The following SPINT4 variants were observed in gnomAD, a reference collection of about 807,000 sequenced individuals.
SPINT4 encodes serine peptidase inhibitor, Kunitz type 4.
In SPINT4, 7 loss-of-function variants were observed where a neutral mutation model predicts 9.4. That is an observed-to-expected ratio of 0.74 (90% CI 0.42 to 1.40). The LOEUF is 1.40. SPINT4 is among the 40% of genes most tolerant of loss of function. SPINT4 has a pLI of 0.01. For missense variants in SPINT4, 105 were observed against 114.4 expected (o/e 0.92, Z 0.37); for synonymous variants, 36 against 39.9 (o/e 0.90, Z 0.37).
chr20:45,725,017 T>TACAC (rs1984912095), intron 2 of SPINT4, among the ~76,000 whole-genome samples: 2 of 123,210 alleles, frequency 1.6e-5, no homozygotes, highest in Non-Finnish European at 3.2e-5. Context: ...TATATATATA[T>TACAC]ATATATATAT....
At chr20:45,724,979 C>CAAAAAAAAAAA (rs1168670011) in intron 2 of SPINT4, among the ~76,000 whole-genome samples, 2 of 27,184 alleles carry the variant, frequency 7.4e-5, no homozygotes, top group African/African-American at 2.9e-4. Flanking sequence ...GACTCCATCT[C>CAAAAAAAAAAA]AAAAAAAAAA....
rs765828588 is a variant in SPINT4, at chr20:45,724,065, A to G, written c.293+8A>G. On this transcript the variant is annotated splice_region_variant and intron_variant, in intron 2 of 2. Coordinates refer to ENST00000279058, the MANE Select transcript of SPINT4 (RefSeq NM_178455.3). ...TGCAAAATACAAACCACCGTAAGGA[A>G]TCTAATCCTGTCCTTGGTCCTTGGG... is the stretch of plus-strand genomic sequence containing the variant. 1.1e-5 allele frequency: 18 copies of G among 1,599,372 alleles called. No individual in the cohort carries two copies. The highest frequency in any genetic ancestry group is 8.9e-5 in the Admixed American group (5 of 56,416).
chr20:45,723,869 C>A lies in SPINT4; in HGVS notation c.116-11C>A, dbSNP rs758416844. On this transcript the variant is annotated splice_polypyrimidine_tract_variant and intron_variant, in intron 1 of 2. Coordinates refer to ENST00000279058, the MANE Select transcript of SPINT4 (RefSeq NM_178455.3). ...CAATTCCCACTAACTCAATGGGAAC[C>A]TCTCATGCAGATCCCTGCAAATTGG... 1 of 1,565,150 alleles carries A rather than the reference C, an allele frequency of 6.4e-7. No homozygotes were observed. Among genetic ancestry groups the A allele is most frequent in the Non-Finnish European group, 8.6e-7 (1 of 1,162,984 alleles).
chr20:45,724,995 A>AAAAAAAAAAAAAAAAAT (rs1387842262), intron 2 of SPINT4, among the ~76,000 whole-genome samples: 1 of 36,424 alleles, frequency 2.7e-5, no homozygotes, highest in African/African-American at 1.9e-4. Context: ...AAAAAAAAAA[A>AAAAAAAAAAAAAAAAAT]ATATATATAT....
At chr20:45,724,334 C>A (rs549265984) in intron 2 of SPINT4, among the ~76,000 whole-genome samples, 3 of 151,610 alleles carry the variant, frequency 2.0e-5, no homozygotes, top group Admixed American at 2.0e-4. Context: ...ACTAAAAATA[C>A]AAAATTAGCC....
Position 45,724,024 on chromosome 20 carries a change from G to T in SPINT4, c.260G>T (p.Arg87Leu), listed in dbSNP as rs927990390. Residue 87 changes from arginine to leucine, a missense_variant, in exon 2 of 3, where the codon CGT becomes CTT. Transcript: ENST00000279058. ...NLNNFKLKIE[R>L]EVACVAKYKP... is the part of the protein sequence containing the mutation. ...AACAACTTCAAGCTTAAAATAGAAC[G>T]TGAAGTAGCCTGTGTTGCAAAATAC... The T allele has an allele frequency of 4.3e-6, 7 of 1,610,322 alleles. No homozygotes were observed. Among genetic ancestry groups the T allele is most frequent in the Non-Finnish European group, 5.9e-6 (7 of 1,178,986 alleles).
intron 2 of SPINT4, among the ~76,000 whole-genome samples, chr20:45,724,877 G>A (rs1418108029): frequency 1.4e-5 from 2 of 146,652 alleles, no homozygotes; most frequent in Non-Finnish European, 3.0e-5. Context: ...CTACTCGGGA[G>A]GCTGAGGCAG....
intron 2 of SPINT4, among the ~76,000 whole-genome samples, chr20:45,724,979 C>CAAAAAAAAAAAAAAAAAA (rs1168670011): frequency 3.7e-4 from 10 of 27,182 alleles, no homozygotes; most frequent in African/African-American, 1.2e-3. Context: ...GACTCCATCT[C>CAAAAAAAAAAAAAAAAAA]AAAAAAAAAA....
chr20:45,724,575 A>T (rs1233369094), intron 2 of SPINT4, among the ~76,000 whole-genome samples: 1 of 151,132 alleles, frequency 6.6e-6, no homozygotes, highest in Non-Finnish European at 1.5e-5. Flanking sequence ...CTCATTTTGC[A>T]GTTAGGAAAT....
Position 45,724,074 on chromosome 20 carries a change from TGTCCTTG to T in SPINT4, c.293+26_293+32del. 1 of 1,593,002 alleles carries T rather than the reference TGTCCTTG, an allele frequency of 6.3e-7. No homozygotes were observed. Among genetic ancestry groups the T allele is most frequent in the South Asian group, 1.2e-5 (1 of 86,566 alleles). On this transcript the variant is annotated intron_variant, in intron 2 of 2. Coordinates refer to ENST00000279058, the MANE Select transcript of SPINT4 (RefSeq NM_178455.3). Reference sequence around the variant, plus strand: ...CAAACCACCGTAAGGAATCTAATCCTGTCCTTGGTCCTTGGGGGTAGTAAAAGAAGAG... The same window carrying T: ...CAAACCACCGTAAGGAATCTAATCCTGTCCTTGGGGGTAGTAAAAGAAGAG...
At position 45,724,512 on chromosome 20, in the gene SPINT4, TAAAAAAA is replaced by T. The variant is rs58689567; in HGVS notation, c.293+470_293+476del. ...TGGGCAATAAGAGCAAAACTCCATC[TAAAAAAA>T]AAAAAAAAAAAAAACCACATTTGGG... is the stretch of plus-strand genomic sequence containing the variant. On this transcript the variant is annotated intron_variant, in intron 2 of 2. Coordinates refer to ENST00000279058, the MANE Select transcript of SPINT4 (RefSeq NM_178455.3). 9.1e-4 allele frequency among the ~76,000 whole-genome samples: 104 copies of T among 114,510 alleles called. 1 individual carries two copies. Among genetic ancestry groups the T allele is most frequent in the African/African-American group, 1.3e-3 (45 of 34,390 alleles). The allele number at this position is 114,510 out of a possible 152,430, so 75.1% of individuals were successfully genotyped here.
chr20:45,725,819 G>T lies in SPINT4; in HGVS notation c.*184G>T. 1 of 719,864 alleles carries T rather than the reference G, an allele frequency of 1.4e-6. No individual in the cohort carries two copies. 44.6% of individuals were successfully genotyped at this position (719,864 alleles called of 1,614,324 possible). On this transcript the variant is annotated 3_prime_UTR_variant, in exon 3 of 3. Coordinates refer to ENST00000279058, the MANE Select transcript of SPINT4 (RefSeq NM_178455.3). ...ACTGTATGATCATTAGAATGAAAGAGTCTTTCTGTCAGCCCTGGCTCTCTT... is the reference window on the plus strand; with the variant it reads ...ACTGTATGATCATTAGAATGAAAGATTCTTTCTGTCAGCCCTGGCTCTCTT...
chr20:45,725,013 T>TATACACATATATATATACAC (rs1555809001), intron 2 of SPINT4, among the ~76,000 whole-genome samples: 3 of 49,524 alleles, frequency 6.1e-5, no homozygotes, highest in African/African-American at 4.6e-4. Flanking sequence ...TATATATATA[T>TATACACATATATATATACAC]ATATATATAT....
intron 1 of SPINT4, 35 bp downstream of exon 1, chr20:45,722,517 C>T (rs761992890): frequency 1.4e-6 from 2 of 1,454,706 alleles, no homozygotes; most frequent in Non-Finnish European, 1.9e-6. Context: ...ATCCAAAGGT[C>T]AATTATGAAT....
At chr20:45,724,619 T>C (rs974134890) in intron 2 of SPINT4, among the ~76,000 whole-genome samples, 1 of 151,476 alleles carries the variant, frequency 6.6e-6, no homozygotes, top group Non-Finnish European at 1.5e-5. Context: ...AGCCACCATC[T>C]ATTGGACAAT....
chr20:45,724,888 G>A (rs1056013752), intron 2 of SPINT4, among the ~76,000 whole-genome samples: 1 of 144,956 alleles, frequency 6.9e-6, no homozygotes, highest in Non-Finnish European at 1.5e-5. Context: ...GCTGAGGCAG[G>A]AGAATGGTGT....
At chr20:45,724,505 C>A (rs1984883148) in intron 2 of SPINT4, among the ~76,000 whole-genome samples, 1 of 102,330 alleles carries the variant, frequency 9.8e-6, no homozygotes, top group African/African-American at 5.1e-5. Flanking sequence ...AAGAGCAAAA[C>A]TCCATCTAAA....
intron 2 of SPINT4, 67 bp downstream of exon 2, chr20:45,724,124 T>A (rs1984870445): frequency 6.8e-7 from 1 of 1,476,578 alleles, no homozygotes; most frequent in South Asian, 1.3e-5. Flanking sequence ...CATCCTAAGA[T>A]AGAGAAAATT....
intron 2 of SPINT4, among the ~76,000 whole-genome samples, chr20:45,725,295 A>T (rs1984921749): frequency 6.6e-6 from 1 of 151,800 alleles, no homozygotes; most frequent in Admixed American, 6.6e-5. Flanking sequence ...ATCATTGGAA[A>T]TAGAAGGTCA....
Sources: gnomAD v4.1 joint callset for allele counts (sites outside exome capture counted in the v4.1 genomes callset) on GRCh38, gnomAD v4.1.1 for gene constraint, MANE v1.5 for transcripts, NCBI Gene and HGNC (gene_info 2026-07-23, HGNC 2026-07-21) for gene names.